The following CLEC4A variants were observed in gnomAD, a reference collection of about 807,000 sequenced individuals.
CLEC4A encodes the protein C-type lectin domain family 4 member A.
CLEC4A carries 27 observed loss-of-function variants against 32.7 expected under a neutral mutation model. The ratio of observed to expected loss-of-function variants is 0.83; its 90% confidence interval spans 0.61 to 1.14. The LOEUF is 1.14. CLEC4A is among the 50% of genes most tolerant of loss of function. CLEC4A has a pLI of 0.00. For synonymous variants in CLEC4A, 89 were observed against 93.7 expected (o/e 0.95, Z 0.29); for missense variants, 253 against 274.6 (o/e 0.92, Z 0.55).
At chr12:8,122,984 G>A (rs1947846855), upstream of CLEC4A, among the ~76,000 whole-genome samples, 1 of 152,092 alleles carries the variant, frequency 6.6e-6, no homozygotes, top group South Asian at 2.1e-4. Context: ...AATATTTGGA[G>A]TGTTTTCTTC....
intron 2 of CLEC4A, among the ~76,000 whole-genome samples, chr12:8,127,883 G>T (rs1393907367): frequency 6.6e-6 from 1 of 152,140 alleles, no homozygotes; most frequent in Non-Finnish European, 1.5e-5. Flanking sequence ...TCAGTAGCAG[G>T]TTTGGGTTGG....
At chr12:8,132,542 T>C (rs775133130) in intron 3 of CLEC4A, among the ~76,000 whole-genome samples, 10 of 152,334 alleles carry the variant, frequency 6.6e-5, no homozygotes, top group African/African-American at 2.4e-4. Flanking sequence ...TTAGTCGATG[T>C]TATTTAATGT....
the CLEC4A span, among the ~76,000 whole-genome samples, chr12:8,107,271 G>C: frequency 8.4e-3 from 1,284 of 152,174 alleles, 21 homozygotes; most frequent in African/African-American, 0.029. Flanking sequence ...ACTGGATTTG[G>C]TTTGCTTGTA....
intron 4 of CLEC4A, among the ~76,000 whole-genome samples, chr12:8,136,563 CAAAAA>C (rs5796306): frequency 2.0e-5 from 2 of 100,490 alleles, no homozygotes. Context: ...GACTCCATCT[CAAAAA>C]AAAAAAAAAA....
chr12:8,127,046 A>T (rs1042321606), intron 2 of CLEC4A, among the ~76,000 whole-genome samples: 4 of 152,250 alleles, frequency 2.6e-5, no homozygotes, highest in African/African-American at 9.6e-5. Context: ...TTAGTGGATT[A>T]AAACAGCAAC....
the CLEC4A span, among the ~76,000 whole-genome samples, chr12:8,115,390 C>T: frequency 6.6e-6 from 1 of 152,098 alleles, no homozygotes; most frequent in South Asian, 2.1e-4. Flanking sequence ...TAAGGTGGAG[C>T]CTAAGAATAT....
chr12:8,129,168 T>C (rs1947950703), intron 2 of CLEC4A, 96 bp from the exon 3 acceptor site: 1 of 739,358 alleles, frequency 1.4e-6, no homozygotes, highest in African/African-American at 1.8e-5. Flanking sequence ...AGGGCATTTG[T>C]AAGTTTTATT....
the CLEC4A span, among the ~76,000 whole-genome samples, chr12:8,117,222 T>C: frequency 6.3e-5 from 8 of 126,056 alleles, no homozygotes; most frequent in African/African-American, 2.4e-4. Flanking sequence ...TTGGGGTTGC[T>C]TGGGCTCTTC....
chr12:8,103,707 A>G, the CLEC4A span, among the ~76,000 whole-genome samples: 1 of 152,090 alleles, frequency 6.6e-6, no homozygotes, highest in Admixed American at 6.5e-5. Flanking sequence ...TTCATATGCC[A>G]CAAGTATTGA....
At chr12:8,120,617 A>C (rs1228731195), upstream of CLEC4A, among the ~76,000 whole-genome samples, 1 of 152,238 alleles carries the variant, frequency 6.6e-6, no homozygotes, top group Non-Finnish European at 1.5e-5. Context: ...ACATGCAATC[A>C]ATACTAGTAA....
the CLEC4A span, among the ~76,000 whole-genome samples, chr12:8,103,373 G>GTTTTCT: frequency 1.3e-5 from 1 of 78,036 alleles, no homozygotes; most frequent in African/African-American, 5.5e-5. Context: ...GTTTCTTTCT[G>GTTTTCT]TTGTTTTTTT....
the CLEC4A span, among the ~76,000 whole-genome samples, chr12:8,113,374 C>G: frequency 1.3e-5 from 2 of 152,102 alleles, no homozygotes; most frequent in African/African-American, 2.4e-5. Flanking sequence ...CGTTGTTGGT[C>G]CATTGTCCAT....
the CLEC4A span, among the ~76,000 whole-genome samples, chr12:8,109,310 A>G: frequency 1.3e-5 from 2 of 152,138 alleles, no homozygotes; most frequent in Admixed American, 1.3e-4. Context: ...TGGGGAATAT[A>G]CTTAATTTTA....
Position 8,135,021 on chromosome 12 carries a change from TCAGA to T in CLEC4A, c.299-563_299-560del, listed in dbSNP as rs1565406460. On this transcript the variant is annotated intron_variant, in intron 3 of 5. Transcript: ENST00000229332. ...AATCATGGCTGCTTTTAAATCTTTG[TCAGA>T]TAATTCTAACAATTTTATTATCTTT... is the stretch of plus-strand genomic sequence containing the variant. Among the ~76,000 whole-genome samples the T allele has an allele frequency of 8.8e-4, 77 of 87,836 alleles. 1 individual carries two copies. The highest frequency in any genetic ancestry group is 1.2e-3 in the Non-Finnish European group (49 of 42,010). 57.6% of individuals were successfully genotyped at this position (87,836 alleles called of 152,430 possible). A position where few individuals can be genotyped will look rare whatever the true frequency, so the allele number is the denominator to read the frequency against.
upstream of CLEC4A, among the ~76,000 whole-genome samples, chr12:8,120,014 G>A (rs1478482044): frequency 2.0e-5 from 3 of 152,224 alleles, no homozygotes; most frequent in South Asian, 6.2e-4. Flanking sequence ...CAGAGGGAGA[G>A]ATGCATGGGG....
the CLEC4A span, among the ~76,000 whole-genome samples, chr12:8,110,142 G>A: frequency 1.5e-4 from 23 of 151,958 alleles, no homozygotes; most frequent in Admixed American, 2.6e-4. Flanking sequence ...TTTGAGCACC[G>A]ATCATTTGCT....
chr12:8,121,125 TTTG>T (rs1947827110), upstream of CLEC4A: 1 of 152,146 alleles, frequency 6.6e-6, no homozygotes, highest in Non-Finnish European at 1.5e-5. Context: ...GAAATACATG[TTTG>T]TTGTTGTAAG....
At chr12:8,125,832 C>T (rs1459556372) in intron 2 of CLEC4A, among the ~76,000 whole-genome samples, 155 bp downstream of exon 2, 5 of 152,146 alleles carry the variant, frequency 3.3e-5, no homozygotes, top group Non-Finnish European at 1.5e-5. Flanking sequence ...GTGAATTTTG[C>T]TCTTTATTTG....
chr12:8,128,063 C>T (rs890112655), intron 2 of CLEC4A, among the ~76,000 whole-genome samples: 1 of 152,102 alleles, frequency 6.6e-6, no homozygotes, highest in African/African-American at 2.4e-5. Context: ...TATGATATCA[C>T]TCACGGAGAT....
Sources: gnomAD v4.1 joint callset for allele counts (sites outside exome capture counted in the v4.1 genomes callset) on GRCh38, gnomAD v4.1.1 for gene constraint, MANE v1.5 for transcripts, NCBI Gene and HGNC (gene_info 2026-07-23, HGNC 2026-07-21) for gene names.